The following SAMD13 variants were observed in gnomAD, a reference collection of about 807,000 sequenced individuals.
SAMD13 encodes sterile alpha motif domain containing 13, also known as sterile alpha motif domain-containing protein 13.
In SAMD13, 9 loss-of-function variants were observed where a neutral mutation model predicts 12.4. The ratio of observed to expected loss-of-function variants is 0.72; its 90% CI spans 0.44 to 1.26. The LOEUF is 1.26. Ranked by LOEUF, SAMD13 falls within the 50% of genes most tolerant of loss-of-function variation. SAMD13 has a pLI of 0.00. For missense variants in SAMD13, 84 were observed against 119.6 expected, an observed-to-expected ratio of 0.70 and a Z score of 1.39; for synonymous variants, 46 against 45.4, an observed-to-expected ratio of 1.01 and a Z score of -0.05.
At chr1:84,299,454 T>G (rs187677882), upstream of SAMD13, 294 of 334,026 alleles carry the variant, frequency 8.8e-4, 1 homozygote, top group African/African-American at 5.8e-3. Flanking sequence ...GATCGGAAGG[T>G]CTTGTTTGGT....
chr1:84,349,540 G>A (rs1302278943), intron 3 of SAMD13, 91 bp from the exon 4 acceptor site: 5 of 1,517,762 alleles, frequency 3.3e-6, no homozygotes, highest in Non-Finnish European at 4.4e-6. Context: ...GGCACAAGTG[G>A]TGTGACTTTT....
rs2101815169 is a variant in SAMD13, at chr1:84,337,456, C to T, written c.165+11708C>T. Among the ~76,000 whole-genome samples, 2 of 152,336 alleles carry T rather than the reference C, an allele frequency of 1.3e-5. 1 individual carries two copies. The highest frequency in any genetic ancestry group is 2.9e-5 in the Non-Finnish European group (2 of 68,034). On this transcript the variant is annotated intron_variant, in intron 3 of 3. Transcript: ENST00000394834. ...GGAAGCTGCCAAAGCTTGAGGCTTG[C>T]ACCCTCTGAAGCCACGACCCAAGCT...
At chr1:84,337,064 C>A (rs1283234648) in intron 3 of SAMD13, among the ~76,000 whole-genome samples, 1 of 152,212 alleles carries the variant, frequency 6.6e-6, no homozygotes, top group Non-Finnish European at 1.5e-5. Context: ...TTGGACAGCT[C>A]TGCCCCTGTG....
chr1:84,350,481 T>C lies in SAMD13; in HGVS notation c.*707T>C, dbSNP rs1679627371. 1 of 152,656 alleles carries C rather than the reference T, an allele frequency of 6.6e-6. No homozygotes were observed. Among genetic ancestry groups the C allele is most frequent in the Admixed American group, 6.5e-5 (1 of 15,282 alleles). The allele number at this position is 152,656 out of a possible 1,614,324, so 9.5% of individuals were successfully genotyped here. A position where few individuals can be genotyped will look rare whatever the true frequency, so the allele number is the denominator to read the frequency against. On this transcript the variant is annotated 3_prime_UTR_variant, in exon 4 of 4. Coordinates refer to ENST00000394834, the MANE Select transcript of SAMD13 (RefSeq NM_001134663.2). ...GATTTTCTTTTAAATTGGTTCTTTGTTTCTGAAGAAAGAATTTTTTTTAAC... is the reference window on the plus strand; with the variant it reads ...GATTTTCTTTTAAATTGGTTCTTTGCTTCTGAAGAAAGAATTTTTTTTAAC...
At chr1:84,332,353 A>G (rs1679209796) in intron 3 of SAMD13, among the ~76,000 whole-genome samples, 1 of 152,176 alleles carries the variant, frequency 6.6e-6, no homozygotes, top group South Asian at 2.1e-4. Context: ...TCCCACCACT[A>G]CTGCTGTATA....
At chr1:84,309,862 G>T (rs763010797) in intron 2 of SAMD13, among the ~76,000 whole-genome samples, 3 of 152,010 alleles carry the variant, frequency 2.0e-5, no homozygotes, top group South Asian at 2.1e-4. Context: ...TTATAATGAC[G>T]TACCCATTCA....
intron 3 of SAMD13, among the ~76,000 whole-genome samples, chr1:84,341,441 G>A (rs549978995): frequency 6.6e-6 from 1 of 152,250 alleles, no homozygotes; most frequent in Non-Finnish European, 1.5e-5. Flanking sequence ...GGCCAGCTGA[G>A]ATTGGTACAC....
chr1:84,335,557 T>C (rs1570255162), intron 3 of SAMD13, among the ~76,000 whole-genome samples: 1 of 152,326 alleles, frequency 6.6e-6, no homozygotes, highest in East Asian at 1.9e-4. Context: ...AAGGTTACTA[T>C]TGATATGTAT....
In SAMD13 at chr1:84,307,250, G is replaced by A. The variant is rs554679799; in HGVS notation, c.53+3963G>A. 1.6e-4 allele frequency among the ~76,000 whole-genome samples: 24 copies of A among 152,130 alleles called. 1 individual carries two copies. The highest frequency in any genetic ancestry group is 2.4e-4 in the Non-Finnish European group (16 of 67,956). On this transcript the variant is annotated intron_variant, in intron 2 of 3. Coordinates refer to ENST00000394834, the MANE Select transcript of SAMD13 (RefSeq NM_001134663.2). Reference sequence around the variant, plus strand: ...TTAAAAGTCATTTTCTCTGTGTTTCGTTTTTGATAGCTTCTATTGCTTTGC... The same window carrying A: ...TTAAAAGTCATTTTCTCTGTGTTTCATTTTTGATAGCTTCTATTGCTTTGC...
chr1:84,321,611 A>G (rs1449234809), intron 2 of SAMD13, among the ~76,000 whole-genome samples: 2 of 152,246 alleles, frequency 1.3e-5, no homozygotes, highest in Non-Finnish European at 2.9e-5. Context: ...TGCATAGGTC[A>G]TAAGAAAAGA....
chr1:84,304,266 C>T (rs1364216853), intron 2 of SAMD13: 4 of 152,030 alleles, frequency 2.6e-5, no homozygotes, highest in African/African-American at 9.7e-5. Context: ...ATTACCATCC[C>T]TAAAGTTTGG....
chr1:84,299,515 C>T (rs1325546693), upstream of SAMD13: 5 of 1,065,952 alleles, frequency 4.7e-6, no homozygotes, highest in Admixed American at 5.8e-5. Context: ...CCCCCACATA[C>T]GTACCACACC....
chr1:84,303,250 A>T lies in SAMD13; in HGVS notation c.16A>T (p.Met6Leu). 2 of 1,613,196 alleles carry T rather than the reference A, an allele frequency of 1.2e-6. 1 individual carries two copies. Among genetic ancestry groups the T allele is most frequent in the Non-Finnish European group, 1.7e-6 (2 of 1,179,268 alleles). Residue 6 changes from methionine (M) to leucine (L), a missense_variant, in exon 2 of 4, where the codon ATG becomes TTG. Met to Leu is a conservative substitution (Grantham distance 15, BLOSUM62 2). Transcript: ENST00000394834. MLSVD[M>L]ENKENGSVGV... ...CAGCCTTCCCATGCTATCTGTTGAC[A>T]TGGAAAACAAGGAAAATGGCTCTGT... is the stretch of plus-strand genomic sequence containing the variant.
At chr1:84,311,356 GAAAAGAAAAGA>G (rs920968555) in intron 2 of SAMD13, among the ~76,000 whole-genome samples, 2 of 144,714 alleles carry the variant, frequency 1.4e-5, no homozygotes, top group Non-Finnish European at 3.0e-5. Flanking sequence ...AAAAAGAAAA[GAAAAGAAAAGA>G]AAAAGAAAAA....
chr1:84,306,069 G>C lies in SAMD13; in HGVS notation c.53+2782G>C, dbSNP rs994061488. On this transcript the variant is annotated intron_variant, in intron 2 of 3. Transcript: ENST00000394834. ...ATTGAATTATATATCAATTTGAAGAGAGTTGGTATTTTAACAATATTGTGT... is the reference window on the plus strand; with the variant it reads ...ATTGAATTATATATCAATTTGAAGACAGTTGGTATTTTAACAATATTGTGT... Among the ~76,000 whole-genome samples the C allele has an allele frequency of 2.6e-5, 4 of 152,050 alleles. 1 individual carries two copies. Among genetic ancestry groups the C allele is most frequent in the Non-Finnish European group, 5.9e-5 (4 of 67,998 alleles).
At chr1:84,308,756 T>C (rs1272557584) in intron 2 of SAMD13, among the ~76,000 whole-genome samples, 1 of 152,184 alleles carries the variant, frequency 6.6e-6, no homozygotes, top group African/African-American at 2.4e-5. Context: ...TTTTGTACTA[T>C]TCTTGCAACT....
intron 2 of SAMD13, among the ~76,000 whole-genome samples, chr1:84,307,294 T>C (rs1363407517): frequency 6.6e-6 from 1 of 152,204 alleles, no homozygotes; most frequent in East Asian, 1.9e-4. Flanking sequence ...TCACTAATCT[T>C]TTCTTTTAAA....
At chr1:84,313,577 T>C (rs1678762807) in intron 2 of SAMD13, among the ~76,000 whole-genome samples, 1 of 152,176 alleles carries the variant, frequency 6.6e-6, no homozygotes, top group Non-Finnish European at 1.5e-5. Flanking sequence ...GAACTGATGT[T>C]CCCACATGAC....
Position 84,325,918 on chromosome 1 carries a change from T to C in SAMD13, c.165+170T>C, listed in dbSNP as rs74857967. Among the ~76,000 whole-genome samples, 807 of 152,236 alleles carry C rather than the reference T, an allele frequency of 5.3e-3. 5 individuals carry two copies. The highest frequency in any genetic ancestry group is 9.0e-3 in the Non-Finnish European group (613 of 68,002). ...GAGAATGGATGTACCAGGTGAATTA[T>C]CCCTTTGTGCAAGGGGAAAACTCAA... On this transcript the variant is annotated intron_variant, in intron 3 of 3. Coordinates refer to ENST00000394834, the MANE Select transcript of SAMD13 (RefSeq NM_001134663.2).
Sources: allele counts gnomAD v4.1 joint callset (sites outside exome capture counted in the v4.1 genomes callset), GRCh38; gene constraint gnomAD v4.1.1; transcripts MANE v1.5; gene names NCBI Gene and HGNC (gene_info 2026-07-23, HGNC 2026-07-21).